The following LIPI variants were observed in gnomAD, a reference collection of about 807,000 sequenced individuals.
LIPI encodes the protein lipase member I.
In LIPI, 59 loss-of-function variants were observed where a neutral mutation model predicts 50.6. That is an observed-to-expected ratio of 1.16 (90% CI 0.94 to 1.45). The LOEUF (loss-of-function observed/expected upper bound fraction) is 1.45. Among genes scored for constraint, LIPI ranks in the 40% most tolerant of loss-of-function variants. LIPI has a pLI of 0.00. For missense variants in LIPI, 586 were observed against 536.3 expected, an observed-to-expected ratio of 1.09 and a Z score of -0.92; for synonymous variants, 203 against 178.2, an observed-to-expected ratio of 1.14 and a Z score of -1.11.
chr21:14,163,578 T>A (rs1187554367), intron 6 of LIPI, 55 bp from the exon 7 acceptor site: 12 of 857,098 alleles, frequency 1.4e-5, no homozygotes, highest in East Asian at 2.4e-5. Flanking sequence ...ATAACAAAAA[T>A]GTCAAATCAC....
intron 7 of LIPI, among the ~76,000 whole-genome samples, chr21:14,156,260 T>C (rs1246302071): frequency 6.6e-6 from 1 of 151,894 alleles, no homozygotes; most frequent in Non-Finnish European, 1.5e-5. Context: ...CGACATTTTA[T>C]TGAATTATCT....
chr21:14,174,134 T>G (rs2019013232), intron 4 of LIPI, among the ~76,000 whole-genome samples: 1 of 152,134 alleles, frequency 6.6e-6, no homozygotes, highest in East Asian at 1.9e-4. Context: ...TGAAGGAGAC[T>G]CAAACCAACA....
intron 1 of LIPI, among the ~76,000 whole-genome samples, chr21:14,204,757 A>G (rs1368638948): frequency 1.3e-5 from 2 of 152,002 alleles, no homozygotes; most frequent in Non-Finnish European, 2.9e-5. Context: ...TAATTATTTG[A>G]TTCTAGTTAT....
intron 4 of LIPI, among the ~76,000 whole-genome samples, chr21:14,167,017 C>T (rs112546338): frequency 7.9e-5 from 12 of 152,238 alleles, no homozygotes; most frequent in East Asian, 7.7e-4. Context: ...CCTAATACTG[C>T]GCTTCTGCGA....
At chr21:14,154,515 T>C (rs1283483683) in intron 7 of LIPI, among the ~76,000 whole-genome samples, 2 of 151,912 alleles carry the variant, frequency 1.3e-5, no homozygotes, top group African/African-American at 2.4e-5. Context: ...AAACTGAAAT[T>C]GGTAAATATA....
chr21:14,196,906 T>C (rs973601321), intron 1 of LIPI, among the ~76,000 whole-genome samples: 10 of 152,234 alleles, frequency 6.6e-5, no homozygotes, highest in African/African-American at 1.9e-4. Flanking sequence ...TCAATAAAAT[T>C]AGTTTTAAAA....
intron 4 of LIPI, among the ~76,000 whole-genome samples, chr21:14,170,408 CA>C (rs1326461559): frequency 1.3e-5 from 2 of 151,730 alleles, no homozygotes; most frequent in African/African-American, 4.8e-5. Flanking sequence ...AGAGACACAA[CA>C]AAAAAAGAGA....
At chr21:14,137,906 C>G (rs2123031167) in intron 9 of LIPI, among the ~76,000 whole-genome samples, 2 of 152,162 alleles carry the variant, frequency 1.3e-5, no homozygotes, top group East Asian at 3.9e-4. Flanking sequence ...ACTCCTGGTG[C>G]CAGACTTTCA....
At chr21:14,139,374 C>A (rs1321303831) in intron 9 of LIPI, among the ~76,000 whole-genome samples, 6 of 152,010 alleles carry the variant, frequency 3.9e-5, no homozygotes, top group African/African-American at 1.4e-4. Context: ...TGTCTCATAG[C>A]CTTCAATTGG....
chr21:14,171,383 A>G (rs1214266257), intron 4 of LIPI, among the ~76,000 whole-genome samples: 1 of 150,328 alleles, frequency 6.7e-6, no homozygotes, highest in Non-Finnish European at 1.5e-5. Flanking sequence ...TTCATATGGA[A>G]CCAAAAAAGA....
At position 14,189,101 on chromosome 21, in the gene LIPI, T is replaced by A; in HGVS notation, c.365A>T (p.Tyr122Phe). The change falls in exon 2 of 10, where the codon TAT becomes TTT. Residue 122 changes from tyrosine to phenylalanine, a missense_variant. Coordinates refer to ENST00000681601, the MANE Select transcript of LIPI (RefSeq NM_001302998.2). ...DWSRGATTFI[Y>F]NRAVKNTRKV... ...TCTGGTGTTTTTAACTGCTCTATTA[T>A]AAATAAAAGTTGTAGCACCCCGGCT... 6.2e-7 allele frequency: 1 copy of A among 1,612,758 alleles called. No individual in the cohort carries two copies.
chr21:14,110,593 T>C (rs2016364000), intron 9 of LIPI, among the ~76,000 whole-genome samples: 1 of 151,908 alleles, frequency 6.6e-6, no homozygotes, highest in Non-Finnish European at 1.5e-5. Context: ...TATCTAACTG[T>C]AATTTTCTAT....
intron 7 of LIPI, among the ~76,000 whole-genome samples, chr21:14,162,052 T>G (rs910224038): frequency 1.1e-4 from 16 of 148,454 alleles, no homozygotes; most frequent in African/African-American, 3.9e-4. Context: ...TAGGAACATA[T>G]CTCTACCCCT....
In LIPI at chr21:14,109,287, AAG is replaced by A. The variant is rs1346524998; in HGVS notation, c.1296-209_1296-208del. On this transcript the variant is annotated intron_variant, in intron 9 of 9. Transcript: ENST00000681601. ...TGAAATAGACATAATGCTTATAAGAAAGAAAAAAATCTGTTTCAACTTCTTTT... is the reference window on the plus strand; with the variant it reads ...TGAAATAGACATAATGCTTATAAGAAAAAAAAATCTGTTTCAACTTCTTTT... 3.3e-5 allele frequency among the ~76,000 whole-genome samples: 5 copies of A among 152,164 alleles called. No homozygotes were observed. The East Asian group carries it at 9.6e-4, about 29-fold the overall frequency.
rs150072977 is a variant in LIPI, at chr21:14,208,736, T to G, written c.46+2064A>C. 2.6e-5 allele frequency among the ~76,000 whole-genome samples: 4 copies of G among 152,288 alleles called. No homozygotes were observed. The East Asian group carries it at 7.7e-4, about 29-fold the overall frequency. On this transcript the variant is annotated intron_variant, in intron 1 of 9. Coordinates refer to ENST00000681601, the MANE Select transcript of LIPI (RefSeq NM_001302998.2). ...ACTGTATGGCCCACAAAACGTAAAA[T>G]ATTTACTATCTGGTCGTTTACAAAA...
intron 6 of LIPI, among the ~76,000 whole-genome samples, chr21:14,164,764 G>C (rs2018616260): frequency 6.6e-6 from 1 of 152,050 alleles, no homozygotes; most frequent in Non-Finnish European, 1.5e-5. Flanking sequence ...TATCCATTTA[G>C]AAGGTATGAA....
In LIPI at chr21:14,159,511, T is replaced by G. The variant is rs868853956; in HGVS notation, c.1006+3908A>C. On this transcript the variant is annotated intron_variant, in intron 7 of 9. Transcript: ENST00000681601. Reference sequence around the variant, plus strand: ...GAGGGGAACTAACTCAATTTTATAGTGTATCTACAAAAAAAACTATAAGTC... The same window carrying G: ...GAGGGGAACTAACTCAATTTTATAGGGTATCTACAAAAAAAACTATAAGTC... Among the ~76,000 whole-genome samples, 9 of 151,384 alleles carry G rather than the reference T, an allele frequency of 5.9e-5. No individual in the cohort carries two copies. The South Asian group carries it at 6.2e-4, about 10-fold the overall frequency.
At chr21:14,135,575 C>G (rs2017465362) in intron 9 of LIPI, among the ~76,000 whole-genome samples, 2 of 152,146 alleles carry the variant, frequency 1.3e-5, no homozygotes, top group Non-Finnish European at 2.9e-5. Context: ...CCAGATCAAA[C>G]TCAGTTGACA....
At chr21:14,206,730 C>G (rs1416351703) in intron 1 of LIPI, 1 of 811,724 alleles carries the variant, frequency 1.2e-6, no homozygotes, top group Non-Finnish European at 2.1e-6. Flanking sequence ...TCAGCTATCA[C>G]TTCATGGCAA....
Sources: allele counts gnomAD v4.1 joint callset (sites outside exome capture counted in the v4.1 genomes callset), GRCh38; gene constraint gnomAD v4.1.1; transcripts MANE v1.5; gene names NCBI Gene and HGNC (gene_info 2026-07-23, HGNC 2026-07-21).